The following SLC30A7 variants were observed in gnomAD, a reference collection of about 807,000 sequenced individuals.
SLC30A7 encodes zinc transporter 7.
A neutral mutation model predicts 46.0 loss-of-function variants in SLC30A7; 35 were observed. The ratio of observed to expected loss-of-function variants is 0.76; its 90% CI spans 0.58 to 1.01. The LOEUF is 1.01. Among genes scored for constraint, SLC30A7 ranks in the 50% least tolerant of loss-of-function variants. SLC30A7 has a pLI of 0.00. For missense variants in SLC30A7, 464 were observed against 451.1 expected (o/e 1.03, Z -0.26); for synonymous variants, 147 against 157.8 (o/e 0.93, Z 0.51).
At chr1:100,915,904 T>C (rs1480387702) in intron 6 of SLC30A7, among the ~76,000 whole-genome samples, 1 of 152,110 alleles carries the variant, frequency 6.6e-6, no homozygotes, top group Non-Finnish European at 1.5e-5. Context: ...ATACAAGGGT[T>C]TCCTTTTCTC....
chr1:100,914,947 C>CT (rs1363751210), intron 6 of SLC30A7, among the ~76,000 whole-genome samples: 1 of 151,886 alleles, frequency 6.6e-6, no homozygotes, highest in African/African-American at 2.4e-5. Flanking sequence ...AAAAAAATTT[C>CT]TAACTACTCT....
At position 100,974,952 on chromosome 1, in the gene SLC30A7, T is replaced by A. The variant is rs1431374912; in HGVS notation, c.*95T>A. 9.6e-7 allele frequency: 1 copy of A among 1,038,000 alleles called. No individual in the cohort carries two copies. Among genetic ancestry groups the A allele is most frequent in the Non-Finnish European group, 1.4e-6 (1 of 701,492 alleles). 64.3% of individuals were successfully genotyped at this position (1,038,000 alleles called of 1,614,324 possible). ...ACCCAGCTTTTTAAAAGAGAGAAAT[T>A]ATCACTACAACTCCCGAGCACTAAG... On this transcript the variant is annotated 3_prime_UTR_variant, in exon 11 of 11. Transcript: ENST00000357650.
At chr1:100,927,054 A>C (rs1653349302) in intron 8 of SLC30A7, among the ~76,000 whole-genome samples, 1 of 152,214 alleles carries the variant, frequency 6.6e-6, no homozygotes, top group South Asian at 2.1e-4. Flanking sequence ...GGATGACAAG[A>C]AGGGCAGTGT....
At chr1:100,911,185 A>C in intron 4 of SLC30A7, 35 bp downstream of exon 4, 1 of 1,362,464 alleles carries the variant, frequency 7.3e-7, no homozygotes, top group East Asian at 2.3e-5. Context: ...AGTAAATTAC[A>C]TTTCTGTAAT....
Position 100,921,738 on chromosome 1 carries a change from G to A in SLC30A7, c.739G>A (p.Gly247Arg), listed in dbSNP as rs1557985137. The change falls in exon 8 of 11, where the codon GGA (glycine) becomes AGA (arginine). Residue 247 changes from glycine to arginine, a missense_variant. Physicochemically the swap from Gly to Arg is moderately radical, Grantham distance 125. Coordinates refer to ENST00000357650, the MANE Select transcript of SLC30A7 (RefSeq NM_133496.5). ...VFLHILADTL[G>R]SIGVIASAIM... ...TTTACATATCCTAGCAGATACACTT[G>A]GAAGTATTGGTGTAATTGCTTCTGC... is the stretch of plus-strand genomic sequence containing the variant. 1 of 1,611,914 alleles carries A rather than the reference G, an allele frequency of 6.2e-7. No individual in the cohort carries two copies.
chr1:100,971,244 CTG>C (rs978449743), intron 10 of SLC30A7, among the ~76,000 whole-genome samples: 13 of 152,272 alleles, frequency 8.5e-5, no homozygotes, highest in African/African-American at 3.1e-4. Flanking sequence ...TAACTTTGCT[CTG>C]TCTTCTTGAG....
At chr1:100,923,925 A>G (rs1653118564) in intron 8 of SLC30A7, among the ~76,000 whole-genome samples, 1 of 152,186 alleles carries the variant, frequency 6.6e-6, no homozygotes, top group East Asian at 1.9e-4. Flanking sequence ...TCACTGTTAC[A>G]ACTATACCTG....
chr1:100,990,510 C>G, the SLC30A7 span: 1 of 1,614,144 alleles, frequency 6.2e-7, no homozygotes, highest in Non-Finnish European at 8.5e-7. Context: ...CTGTGATGAT[C>G]AAGGAATGCA....
At chr1:100,962,936 T>C (rs1371830824) in intron 9 of SLC30A7, among the ~76,000 whole-genome samples, 1 of 152,172 alleles carries the variant, frequency 6.6e-6, no homozygotes, top group African/African-American at 2.4e-5. Flanking sequence ...GGAGAGAAAG[T>C]GTTGGCTTAT....
At chr1:100,898,768 T>G (rs1480610327) in intron 2 of SLC30A7, among the ~76,000 whole-genome samples, 1 of 152,222 alleles carries the variant, frequency 6.6e-6, no homozygotes, top group Admixed American at 6.5e-5. Context: ...GAAGATTATC[T>G]GTGTTCCTGT....
At chr1:100,902,735 TC>T (rs1349430323) in intron 2 of SLC30A7, among the ~76,000 whole-genome samples, 1 of 152,214 alleles carries the variant, frequency 6.6e-6, no homozygotes, top group African/African-American at 2.4e-5. Flanking sequence ...CGCATTGTGA[TC>T]TATGTATCTT....
At chr1:100,927,890 AAG>A (rs1336255346) in intron 8 of SLC30A7, among the ~76,000 whole-genome samples, 1 of 107,902 alleles carries the variant, frequency 9.3e-6, no homozygotes, top group African/African-American at 3.4e-5. Context: ...GTTTGGGAAG[AAG>A]TATTAAGAAT....
At chr1:100,943,325 A>G (rs1447250358) in intron 8 of SLC30A7, among the ~76,000 whole-genome samples, 2 of 152,212 alleles carry the variant, frequency 1.3e-5, no homozygotes, top group African/African-American at 4.8e-5. Flanking sequence ...TATAAAGGAC[A>G]TAACAAAGGA....
At chr1:100,923,560 T>C (rs1242774203) in intron 8 of SLC30A7, among the ~76,000 whole-genome samples, 1 of 152,122 alleles carries the variant, frequency 6.6e-6, no homozygotes, top group Non-Finnish European at 1.5e-5. Context: ...GGAGGATTGT[T>C]TGAGGCCAGG....
the SLC30A7 span, among the ~76,000 whole-genome samples, chr1:100,987,290 C>G: frequency 6.6e-6 from 1 of 152,140 alleles, no homozygotes; most frequent in Non-Finnish European, 1.5e-5. Context: ...TGAGGTAATT[C>G]TGGCCTGTAA....
Position 100,897,916 on chromosome 1 carries a change from G to A in SLC30A7, c.182+1245G>A, listed in dbSNP as rs555014963. Among the ~76,000 whole-genome samples the A allele has an allele frequency of 5.9e-5, 9 of 152,206 alleles. No individual in the cohort carries two copies. In the South Asian group the frequency reaches 1.9e-3, roughly 31 times the overall value. ...CATAGATTAATTTTTTAATCCCATA[G>A]TATTAACACACTTTAATATACTGTA... On this transcript the variant is annotated intron_variant, in intron 2 of 10. Transcript: ENST00000357650.
intron 9 of SLC30A7, among the ~76,000 whole-genome samples, chr1:100,962,957 A>G (rs1655634340): frequency 6.6e-6 from 1 of 152,158 alleles, no homozygotes; most frequent in Non-Finnish European, 1.5e-5. Context: ...TACTTGGTAG[A>G]TGGTAATGCC....
At chr1:100,907,116 C>G (rs766572013) in intron 3 of SLC30A7, 151 bp downstream of exon 3, 59 of 552,596 alleles carry the variant, frequency 1.1e-4, no homozygotes, top group African/African-American at 1.9e-4. Context: ...GAGTTCCTAC[C>G]TCCCCAAGGG....
chr1:100,912,662 A>G (rs1652183815), intron 5 of SLC30A7, among the ~76,000 whole-genome samples: 1 of 151,952 alleles, frequency 6.6e-6, no homozygotes, highest in South Asian at 2.1e-4. Context: ...CATCTCTACA[A>G]AAAAATACAA....
Sources: allele counts gnomAD v4.1 joint callset (sites outside exome capture counted in the v4.1 genomes callset), GRCh38; gene constraint gnomAD v4.1.1; transcripts MANE v1.5; gene names NCBI Gene and HGNC (gene_info 2026-07-23, HGNC 2026-07-21).